Variants in ATXN1 observed in about 807,000 individuals in gnomAD.
ATXN1 encodes the protein ataxin 1.
Under a neutral mutation model 56.4 loss-of-function variants are expected in ATXN1, and 8 were observed. The ratio of observed to expected loss-of-function variants is 0.14; its 90% CI spans 0.08 to 0.26. The LOEUF is 0.26. ATXN1 is among the 10% of genes least tolerant of loss of function. The pLI is 1.00. For synonymous variants in ATXN1, 514 were observed against 494.6 expected, an observed-to-expected ratio of 1.04 and a Z score of -0.52; for missense variants, 987 against 1,106.5, an observed-to-expected ratio of 0.89 and a Z score of 1.53.
At chr6:16,449,762 GTAACTGTT>G (rs1287712606) in intron 6 of ATXN1, among the ~76,000 whole-genome samples, 2 of 152,090 alleles carry the variant, frequency 1.3e-5, no homozygotes, top group Admixed American at 1.3e-4. Context: ...AGCTTGCAAG[GTAACTGTT>G]TAAAAAAATA....
intron 7 of ATXN1, among the ~76,000 whole-genome samples, chr6:16,316,860 CCTGT>C (rs1466237468): frequency 2.0e-5 from 2 of 101,790 alleles, no homozygotes; most frequent in South Asian, 3.7e-4. Context: ...AGAGAGACTG[CCTGT>C]CTTTTTTTTT....
intron 2 of ATXN1, among the ~76,000 whole-genome samples, chr6:16,741,006 C>T (rs16878937): frequency 0.048 from 7,252 of 152,194 alleles, 439 homozygotes; most frequent in East Asian, 0.33. Context: ...ACTTCGGAAA[C>T]GCAAATAATT....
At chr6:16,544,523 G>A (rs536386667) in intron 4 of ATXN1, among the ~76,000 whole-genome samples, 1 of 152,212 alleles carries the variant, frequency 6.6e-6, no homozygotes, top group Non-Finnish European at 1.5e-5. Context: ...GGATTTGGGT[G>A]TGTATTCAAT....
chr6:16,320,441 A>G (rs1485572659), intron 7 of ATXN1, among the ~76,000 whole-genome samples: 1 of 152,138 alleles, frequency 6.6e-6, no homozygotes, highest in Non-Finnish European at 1.5e-5. Flanking sequence ...AATAACACAG[A>G]GCCTGGCATT....
chr6:16,685,316 G>A (rs910693956), intron 2 of ATXN1, among the ~76,000 whole-genome samples: 3 of 152,002 alleles, frequency 2.0e-5, no homozygotes, highest in Admixed American at 1.3e-4. Flanking sequence ...ACATCCTCAC[G>A]CCACCACCTC....
intron 3 of ATXN1, among the ~76,000 whole-genome samples, chr6:16,651,684 C>G (rs1763895806): frequency 1.3e-5 from 2 of 152,120 alleles, no homozygotes; most frequent in Admixed American, 1.3e-4. Flanking sequence ...GGTTTAGATT[C>G]AAATTGAAGA....
chr6:16,307,103 T>C (rs1003992181), intron 7 of ATXN1, among the ~76,000 whole-genome samples: 3 of 152,192 alleles, frequency 2.0e-5, no homozygotes, highest in Non-Finnish European at 4.4e-5. Flanking sequence ...AGGTCATCAA[T>C]ATTCAAAATA....
chr6:16,312,614 G>A (rs1429723444), intron 7 of ATXN1, among the ~76,000 whole-genome samples: 1 of 152,158 alleles, frequency 6.6e-6, no homozygotes, highest in South Asian at 2.1e-4. Flanking sequence ...ACTTTGGGAG[G>A]CCGAGGCGGG....
chr6:16,307,880 G>A (rs769178091), intron 7 of ATXN1, among the ~76,000 whole-genome samples: 4 of 151,514 alleles, frequency 2.6e-5, no homozygotes, highest in East Asian at 2.0e-4. Context: ...AAGGCCAGGC[G>A]CGGTGGCTCA....
chr6:16,725,866 TC>T (rs1759837710), intron 2 of ATXN1, among the ~76,000 whole-genome samples: 1 of 152,160 alleles, frequency 6.6e-6, no homozygotes, highest in Non-Finnish European at 1.5e-5. Context: ...TCAATTCAGA[TC>T]CAAGTACACA....
intron 3 of ATXN1, among the ~76,000 whole-genome samples, chr6:16,639,377 G>A (rs1763662839): frequency 6.6e-6 from 1 of 152,154 alleles, no homozygotes; most frequent in African/African-American, 2.4e-5. Flanking sequence ...ACCAACTCCA[G>A]ACACAGGCTC....
intron 6 of ATXN1, among the ~76,000 whole-genome samples, chr6:16,478,018 G>A (rs1307481533): frequency 6.6e-6 from 1 of 152,128 alleles, no homozygotes; most frequent in Admixed American, 6.6e-5. Context: ...TGCCTTTAAC[G>A]AAGTGCCAGC....
Position 16,327,092 on chromosome 6 carries a change from G to C in ATXN1, c.1219C>G (p.Pro407Ala), listed in dbSNP as rs1395830127. 20 of 1,613,708 alleles carry C rather than the reference G, an allele frequency of 1.2e-5. No individual in the cohort carries two copies. The highest frequency in any genetic ancestry group is 1.7e-5 in the Non-Finnish European group (20 of 1,180,034). Residue 407 changes from proline (P) to alanine (A), a missense_variant, in exon 7 of 8, where the codon CCT becomes GCT. Pro to Ala is a conservative substitution (Grantham distance 27). Transcript: ENST00000436367. ...CCACTTTTGTCGTTGAGGGTAGAAG[G>C]GGAGGCTTCACGATGAGTGGCCTGT... ...VQQATHREAS[P>A]STLNDKSGLH... is the part of the protein sequence containing the mutation.
In ATXN1 at chr6:16,676,782, A is replaced by G. The variant is rs534677887; in HGVS notation, c.-614-18881T>C. Among the ~76,000 whole-genome samples, 4 of 152,304 alleles carry G rather than the reference A, an allele frequency of 2.6e-5. No homozygotes were observed. In the South Asian group the frequency reaches 8.3e-4, roughly 32 times the overall value. On this transcript the variant is annotated intron_variant, in intron 2 of 7. Coordinates refer to ENST00000436367, the MANE Select transcript of ATXN1 (RefSeq NM_001128164.2). ...AGTATGATTCCTTCTGGTTGGAAAC[A>G]TCTTCCTACCAGATTTAACTACAAA...
At chr6:16,476,489 C>T (rs1209271964) in intron 6 of ATXN1, among the ~76,000 whole-genome samples, 1 of 151,134 alleles carries the variant, frequency 6.6e-6, no homozygotes, top group African/African-American at 2.4e-5. Flanking sequence ...AGTATTTAAA[C>T]ACTAAGTGTT....
intron 4 of ATXN1, among the ~76,000 whole-genome samples, chr6:16,581,947 T>C (rs1762538352): frequency 6.6e-6 from 1 of 152,224 alleles, no homozygotes. Flanking sequence ...AGGATATGGA[T>C]TGTCAATAAG....
At chr6:16,613,887 T>C (rs569513195) in intron 3 of ATXN1, among the ~76,000 whole-genome samples, 4 of 152,194 alleles carry the variant, frequency 2.6e-5, no homozygotes, top group South Asian at 2.1e-4. Context: ...TAAAATGCTT[T>C]AATATTAATT....
At chr6:16,542,874 A>G (rs1761742202) in intron 4 of ATXN1, among the ~76,000 whole-genome samples, 1 of 152,226 alleles carries the variant, frequency 6.6e-6, no homozygotes, top group African/African-American at 2.4e-5. Context: ...TCATAACATT[A>G]TACTGTACTA....
At position 16,577,314 on chromosome 6, in the gene ATXN1, A is replaced by T. The variant is rs570820333; in HGVS notation, c.-361+8466T>A. On this transcript the variant is annotated intron_variant, in intron 4 of 7. Transcript: ENST00000436367. ...CGAGGAGGGTGGATCACCTGAGGCC[A>T]GGAGTTCGAGACCAGCCTAGCCAAC... 2.0e-5 allele frequency among the ~76,000 whole-genome samples: 3 copies of T among 152,254 alleles called. No individual in the cohort carries two copies. The East Asian group carries it at 5.8e-4, about 29-fold the overall frequency.
Sources: allele counts gnomAD v4.1 joint callset (sites outside exome capture counted in the v4.1 genomes callset), GRCh38; gene constraint gnomAD v4.1.1; transcripts MANE v1.5; gene names NCBI Gene and HGNC (gene_info 2026-07-23, HGNC 2026-07-21).